The following METTL22 variants were observed in gnomAD, a reference collection of about 807,000 sequenced individuals.
The protein encoded by METTL22 is methyltransferase 22, Kin17 lysine.
Under a neutral mutation model 48.4 loss-of-function variants are expected in METTL22, and 51 were observed. The observed-to-expected ratio is 1.05, with a 90% CI of 0.84 to 1.33. The LOEUF (loss-of-function observed/expected upper bound fraction) is 1.33, where lower values mean the gene tolerates loss of function less well. Ranked by LOEUF, METTL22 falls within the 40% of genes most tolerant of loss-of-function variation. The pLI, the probability that METTL22 is intolerant of heterozygous loss-of-function variation, is 0.00. For synonymous variants in METTL22, 255 were observed against 214.1 expected (o/e 1.19, Z -1.67); for missense variants, 678 against 526.9 (o/e 1.29, Z -2.81).
chr16:8,653,843 G>A (rs2056930225), downstream of METTL22, among the ~76,000 whole-genome samples: 1 of 152,106 alleles, frequency 6.6e-6, no homozygotes, highest in Non-Finnish European at 1.5e-5. Flanking sequence ...AGGAACACTG[G>A]GACCATCTCC....
At chr16:8,628,227 A>C (rs1478804616) in intron 2 of METTL22, among the ~76,000 whole-genome samples, 1 of 152,184 alleles carries the variant, frequency 6.6e-6, no homozygotes, top group African/African-American at 2.4e-5. Flanking sequence ...GCCCTAACAT[A>C]CCAAATCCTG....
At chr16:8,641,523 G>T (rs2056618022) in intron 7 of METTL22, 1 of 516,072 alleles carries the variant, frequency 1.9e-6, no homozygotes, top group African/African-American at 1.9e-5. Context: ...AGACTCTGGG[G>T]CACAGACCAT....
downstream of METTL22, among the ~76,000 whole-genome samples, chr16:8,651,744 G>A (rs2056901133): frequency 6.6e-6 from 1 of 152,172 alleles, no homozygotes; most frequent in Non-Finnish European, 1.5e-5. Context: ...GATTTTGGAG[G>A]ACCTGGGCAA....
At chr16:8,652,669 T>C (rs927745863), downstream of METTL22, among the ~76,000 whole-genome samples, 2 of 69,328 alleles carry the variant, frequency 2.9e-5, no homozygotes, top group African/African-American at 1.1e-4. Context: ...TTAAAACAAA[T>C]AATTATTTTA....
chr16:8,651,276 A>C (rs922913472), downstream of METTL22, among the ~76,000 whole-genome samples: 1 of 148,584 alleles, frequency 6.7e-6, no homozygotes, highest in Admixed American at 6.8e-5. Flanking sequence ...AGTCCCAGCT[A>C]TTCGGGAGGC....
Position 8,635,036 on chromosome 16 carries a change from C to CAG in METTL22, c.515_516dup. ...CATTTCTCTTGGTTTCTGTCCCATC[C>CAG]AGAGCACACCATGGCCACGCCCCTG... On this transcript the variant is annotated splice_polypyrimidine_tract_variant and splice_region_variant and intron_variant, in intron 3 of 10. Transcript: ENST00000381920. The CAG allele has an allele frequency of 6.2e-7, 1 of 1,613,478 alleles. No homozygotes were observed. The highest frequency in any genetic ancestry group is 1.3e-5 in the African/African-American group (1 of 75,022).
At chr16:8,644,024 A>C (rs1382900399) in intron 9 of METTL22, among the ~76,000 whole-genome samples, 1 of 152,214 alleles carries the variant, frequency 6.6e-6, no homozygotes, top group East Asian at 1.9e-4. Context: ...CATCTTGTAG[A>C]CTAAGGTTTT....
Position 8,646,307 on chromosome 16 carries a change from TC to T in METTL22, c.*167del. On this transcript the variant is annotated 3_prime_UTR_variant, in exon 11 of 11. Transcript: ENST00000381920. ...TGGTTTTCTGGGGTCTGTCCCTGCC[TC>T]CCAGTTGTAGCCAGAGAAGGTTGTT... 1.2e-6 allele frequency: 1 copy of T among 868,204 alleles called. No homozygotes were observed. The highest frequency in any genetic ancestry group is 1.9e-6 in the Non-Finnish European group (1 of 533,886). The allele number at this position is 868,204 out of a possible 1,614,324, so 53.8% of individuals were successfully genotyped here. A position where few individuals can be genotyped will look rare whatever the true frequency, so the allele number is the denominator to read the frequency against.
At chr16:8,637,382 C>T (rs1459398594) in intron 5 of METTL22, among the ~76,000 whole-genome samples, 1 of 151,862 alleles carries the variant, frequency 6.6e-6, no homozygotes, top group African/African-American at 2.4e-5. Flanking sequence ...TTGCTTCGTC[C>T]CTGGTGCCTA....
Position 8,644,713 on chromosome 16 carries a change from C to A in METTL22, c.1167C>A (p.Arg389=). The A allele has an allele frequency of 6.3e-7, 1 of 1,590,256 alleles. No homozygotes were observed. Among genetic ancestry groups the A allele is most frequent in the Admixed American group, 1.8e-5 (1 of 56,512 alleles). ...TCCCACAGCTCCTGGTTTACGAGCG[C>A]CTCCAGCAACTGGTAGGTCCAGGCC... The part of the protein sequence containing the change: ...ASFPQLLVYE[R]LQQLELWKII... Residue 389 remains arginine (R), a synonymous_variant, in exon 10 of 11, where the codon CGC becomes CGA. Coordinates refer to ENST00000381920, the MANE Select transcript of METTL22 (RefSeq NM_024109.4).
At position 8,639,163 on chromosome 16, in the gene METTL22, G is replaced by A. The variant is rs1293895134; in HGVS notation, c.772+1G>A. 6.2e-7 allele frequency: 1 copy of A among 1,613,990 alleles called. No individual in the cohort carries two copies. Among genetic ancestry groups the A allele is most frequent in the South Asian group, 1.1e-5 (1 of 91,088 alleles). On this transcript the variant is annotated splice_donor_variant, in intron 6 of 10. Coordinates refer to ENST00000381920, the MANE Select transcript of METTL22 (RefSeq NM_024109.4). LOFTEE classifies it high-confidence loss of function. ...AACAGCCACCTGGCTGCCACTGGAG[G>A]TGAGGCCCAGGGGGTCTTCTGCCAG...
downstream of METTL22, among the ~76,000 whole-genome samples, chr16:8,651,059 G>A (rs1308072630): frequency 2.0e-5 from 3 of 151,142 alleles, no homozygotes; most frequent in African/African-American, 7.3e-5. Context: ...AAAAAAGAGG[G>A]TAAGAATTCT....
At chr16:8,651,700 C>G (rs1365285941), downstream of METTL22, among the ~76,000 whole-genome samples, 4 of 152,206 alleles carry the variant, frequency 2.6e-5, no homozygotes, top group African/African-American at 9.6e-5. Flanking sequence ...AAAAGCCTGA[C>G]TTCAATTTCA....
chr16:8,660,862 GGAGGAGGAGGAGGAA>G, the METTL22 span, among the ~76,000 whole-genome samples: 106 of 29,798 alleles, frequency 3.6e-3, 18 homozygotes, highest in African/African-American at 6.9e-3. Context: ...AGGAGGAAGA[GGAGGAGGAGGAGGAA>G]GAGGAGGAGG....
At chr16:8,638,203 G>A (rs1430768863) in intron 5 of METTL22, among the ~76,000 whole-genome samples, 1 of 152,070 alleles carries the variant, frequency 6.6e-6, no homozygotes, top group African/African-American at 2.4e-5. Flanking sequence ...GTATTCTCTT[G>A]GCCTAGGAGA....
chr16:8,648,678 C>T lies in METTL22; in HGVS notation c.*2535C>T, dbSNP rs982105081. ...TGGCTAACGCCTGTAGTCCCAACTA[C>T]TCAGAAGGCAAGGTGAGAGGATTGC... On this transcript the variant is annotated 3_prime_UTR_variant, in exon 11 of 11. Transcript: ENST00000381920. 6.6e-6 allele frequency: 1 copy of T among 152,004 alleles called. No homozygotes were observed. Among genetic ancestry groups the T allele is most frequent in the East Asian group, 1.9e-4 (1 of 5,186 alleles). 9.4% of individuals were successfully genotyped at this position (152,004 alleles called of 1,614,324 possible). A position where few individuals can be genotyped will look rare whatever the true frequency, so the allele number is the denominator to read the frequency against.
chr16:8,625,236 G>A (rs180879562), intron 1 of METTL22, among the ~76,000 whole-genome samples: 1 of 152,150 alleles, frequency 6.6e-6, no homozygotes, highest in African/African-American at 2.4e-5. Context: ...GAGAGGGCAG[G>A]CACGTGTGGC....
At chr16:8,664,826 C>A in the METTL22 span, among the ~76,000 whole-genome samples, 1 of 151,730 alleles carries the variant, frequency 6.6e-6, no homozygotes, top group Non-Finnish European at 1.5e-5. Context: ...ACATTGAGGT[C>A]TTTCATGCAA....
chr16:8,651,738 T>G (rs2056900976), downstream of METTL22, among the ~76,000 whole-genome samples: 1 of 152,202 alleles, frequency 6.6e-6, no homozygotes, highest in Non-Finnish European at 1.5e-5. Context: ...GAGCATGATT[T>G]TGGAGGACCT....
Sources: gnomAD v4.1 joint callset for allele counts (sites outside exome capture counted in the v4.1 genomes callset) on GRCh38, gnomAD v4.1.1 for gene constraint, MANE v1.5 for transcripts, NCBI Gene and HGNC (gene_info 2026-07-23, HGNC 2026-07-21) for gene names.